LRFN5: variants seen among roughly 807,000 people sequenced by gnomAD.
LRFN5 encodes leucine-rich repeat and fibronectin type-III domain-containing protein 5.
In LRFN5, 24 loss-of-function variants were observed where a neutral mutation model predicts 45.6. That is an observed-to-expected ratio of 0.53 (90% CI 0.38 to 0.74). The LOEUF (loss-of-function observed/expected upper bound fraction) is 0.74. Among genes scored for constraint, LRFN5 ranks in the 30% least tolerant of loss-of-function variants. The pLI, the probability that LRFN5 is intolerant of heterozygous loss-of-function variation, is 0.00. For synonymous variants in LRFN5, 340 were observed against 313.8 expected, an observed-to-expected ratio of 1.08 and a Z score of -0.88; for missense variants, 776 against 861.5, an observed-to-expected ratio of 0.90 and a Z score of 1.24.
intron 1 of LRFN5, among the ~76,000 whole-genome samples, chr14:41,671,619 T>G (rs1449822549): frequency 1.1e-4 from 14 of 125,734 alleles, no homozygotes; most frequent in African/African-American, 3.8e-4. Flanking sequence ...TTTTTTTCGT[T>G]TTTTTTTTTT....
At chr14:41,628,536 C>A (rs528993522) in intron 1 of LRFN5, among the ~76,000 whole-genome samples, 1 of 151,996 alleles carries the variant, frequency 6.6e-6, no homozygotes, top group South Asian at 2.1e-4. Flanking sequence ...GCCAGGAGGG[C>A]CAGGCTGCAG....
At chr14:41,869,062 G>A (rs181106758) in intron 2 of LRFN5, among the ~76,000 whole-genome samples, 3 of 152,218 alleles carry the variant, frequency 2.0e-5, no homozygotes, top group African/African-American at 7.2e-5. Context: ...TCACTCATTT[G>A]TGTCTTTATT....
rs554804126 is a variant in LRFN5 at position 41,778,018 on chromosome 14, G to A, written c.-21+10989G>A. On this transcript the variant is annotated intron_variant, in intron 2 of 5. Coordinates refer to ENST00000298119, the MANE Select transcript of LRFN5 (RefSeq NM_152447.5). Reference sequence around the variant, plus strand: ...GGGATCCTTTTTTTTTGGTGGGGGGGGGGGATTGAGAGGGGAAGATTATAC... The same window carrying A: ...GGGATCCTTTTTTTTTGGTGGGGGGAGGGGATTGAGAGGGGAAGATTATAC... Among the ~76,000 whole-genome samples the A allele has an allele frequency of 1.6e-3, 236 of 147,458 alleles. 3 individuals are homozygous for A. Among genetic ancestry groups the A allele is most frequent in the African/African-American group, 5.6e-3 (228 of 40,484 alleles).
At chr14:41,628,642 CAAGA>C (rs1888426629) in intron 1 of LRFN5, among the ~76,000 whole-genome samples, 1 of 152,038 alleles carries the variant, frequency 6.6e-6, no homozygotes, top group South Asian at 2.1e-4. Context: ...TAGCAGTAAA[CAAGA>C]GAGAGGTGAT....
At chr14:41,670,256 G>GATATATATATAT (rs1165968461) in intron 1 of LRFN5, among the ~76,000 whole-genome samples, 2 of 45,748 alleles carry the variant, frequency 4.4e-5, no homozygotes, top group Non-Finnish European at 8.1e-5. Flanking sequence ...CATACACACA[G>GATATATATATAT]ATATATATAT....
chr14:41,781,558 G>GAA (rs1555317470), intron 2 of LRFN5, among the ~76,000 whole-genome samples: 2 of 106,932 alleles, frequency 1.9e-5, no homozygotes, highest in Non-Finnish European at 3.6e-5. Flanking sequence ...AGAAAAGAAA[G>GAA]AGAAAGAAAG....
chr14:41,751,146 C>A (rs1251926574), intron 1 of LRFN5, among the ~76,000 whole-genome samples: 1 of 152,046 alleles, frequency 6.6e-6, no homozygotes, highest in Non-Finnish European at 1.5e-5. Flanking sequence ...CCCCAATGAT[C>A]AATCACCTCC....
intron 2 of LRFN5, among the ~76,000 whole-genome samples, chr14:41,775,093 C>CTTTTTTTTTT (rs59438733): frequency 0.012 from 1,345 of 112,378 alleles, 97 homozygotes; most frequent in African/African-American, 0.033. Flanking sequence ...TTTTCTTTTT[C>CTTTTTTTTTT]TTTTTTTTTT....
At chr14:41,686,964 C>T (rs1306788860) in intron 1 of LRFN5, among the ~76,000 whole-genome samples, 1 of 152,110 alleles carries the variant, frequency 6.6e-6, no homozygotes. Flanking sequence ...CAGGATGATA[C>T]TGGTTTCATA....
chr14:41,900,934 C>T (rs1891082955), intron 5 of LRFN5, among the ~76,000 whole-genome samples: 1 of 152,082 alleles, frequency 6.6e-6, no homozygotes, highest in African/African-American at 2.4e-5. Context: ...AACTCTTCAG[C>T]TCCGAGTTTT....
intron 1 of LRFN5, among the ~76,000 whole-genome samples, chr14:41,665,557 C>G (rs1307541604): frequency 6.6e-6 from 1 of 151,642 alleles, no homozygotes; most frequent in Non-Finnish European, 1.5e-5. Flanking sequence ...ATAGTTACAG[C>G]AAAAGTATCA....
intron 1 of LRFN5, chr14:41,701,218 T>C (rs893603835): frequency 6.6e-6 from 1 of 152,152 alleles, no homozygotes; most frequent in African/African-American, 2.4e-5. Context: ...TATGAAGCAT[T>C]TATCACTCCA....
chr14:41,888,881 T>C (rs1594498943), intron 3 of LRFN5, among the ~76,000 whole-genome samples: 1 of 151,972 alleles, frequency 6.6e-6, no homozygotes, highest in Middle Eastern at 3.4e-3. Flanking sequence ...TTTTTACCCT[T>C]TCATATAATT....
chr14:41,626,991 C>CTT, intron 1 of LRFN5, among the ~76,000 whole-genome samples: 1 of 152,000 alleles, frequency 6.6e-6, no homozygotes, highest in African/African-American at 2.4e-5. Flanking sequence ...GATGCATATT[C>CTT]CTAGAACAGA....
At chr14:41,643,958 A>G (rs1038542061) in intron 1 of LRFN5, among the ~76,000 whole-genome samples, 1 of 152,168 alleles carries the variant, frequency 6.6e-6, no homozygotes, top group Admixed American at 6.6e-5. Flanking sequence ...TCAGAGAGAA[A>G]GCTCTGTAAC....
At chr14:41,717,923 A>T (rs1267566045) in intron 1 of LRFN5, among the ~76,000 whole-genome samples, 1 of 152,016 alleles carries the variant, frequency 6.6e-6, no homozygotes, top group African/African-American at 2.4e-5. Context: ...TAAATCCTAC[A>T]CCCATGGGCT....
intron 1 of LRFN5, among the ~76,000 whole-genome samples, chr14:41,731,021 T>G (rs570723598): frequency 1.3e-5 from 2 of 152,084 alleles, no homozygotes; most frequent in South Asian, 4.1e-4. Flanking sequence ...AAAAGGAAAT[T>G]TTGTAGTTAT....
chr14:41,688,365 A>T (rs1395427682), intron 1 of LRFN5, among the ~76,000 whole-genome samples: 1 of 152,092 alleles, frequency 6.6e-6, no homozygotes, highest in East Asian at 1.9e-4. Context: ...GGTGCTGGAT[A>T]CCTTATTTAC....
At chr14:41,757,966 A>G (rs1594681472) in intron 1 of LRFN5, among the ~76,000 whole-genome samples, 1 of 152,120 alleles carries the variant, frequency 6.6e-6, no homozygotes, top group Non-Finnish European at 1.5e-5. Context: ...CACTTTTTCC[A>G]TGGTGGCTCA....
Sources: gnomAD v4.1 joint callset for allele counts (sites outside exome capture counted in the v4.1 genomes callset) on GRCh38, gnomAD v4.1.1 for gene constraint, MANE v1.5 for transcripts, NCBI Gene and HGNC (gene_info 2026-07-23, HGNC 2026-07-21) for gene names.